C7: variants seen among roughly 807,000 people sequenced by gnomAD.
C7 encodes the protein complement C7, also known as complement component C7.
In C7, 83 loss-of-function variants were observed where a neutral mutation model predicts 104.8. The observed-to-expected ratio is 0.79, with a 90% CI of 0.66 to 0.95. The LOEUF is 0.95. Ranked by LOEUF, C7 falls within the 40% of genes least tolerant of loss-of-function variation. C7 has a pLI of 0.00. For synonymous variants in C7, 415 were observed against 360.6 expected (o/e 1.15, Z -1.71); for missense variants, 1,070 against 1,011.2 (o/e 1.06, Z -0.79).
intron 1 of C7, among the ~76,000 whole-genome samples, chr5:40,923,759 A>AT (rs1305022871): frequency 1.4e-5 from 2 of 147,420 alleles, no homozygotes; most frequent in Non-Finnish European, 3.0e-5. Context: ...AAAAAAAAAA[A>AT]GTATGCGAGA....
intron 13 of C7, 112 bp from the exon 14 acceptor site, chr5:40,964,629 A>T: frequency 3.3e-6 from 3 of 900,602 alleles, no homozygotes; most frequent in Non-Finnish European, 5.1e-6. Flanking sequence ...TGAATCAATT[A>T]AATGTAGCTT....
chr5:40,926,327 C>T (rs1739551575), intron 1 of C7, among the ~76,000 whole-genome samples: 1 of 151,614 alleles, frequency 6.6e-6, no homozygotes, highest in Non-Finnish European at 1.5e-5. Context: ...AATTGAAAGC[C>T]TTTTATTTAA....
intron 1 of C7, among the ~76,000 whole-genome samples, chr5:40,911,656 G>C (rs896986375): frequency 2.6e-5 from 4 of 152,128 alleles, no homozygotes; most frequent in Admixed American, 6.5e-5. Context: ...TGATGATAAA[G>C]AGGAGAAGAT....
chr5:40,940,080 T>C (rs572013564), intron 6 of C7, among the ~76,000 whole-genome samples: 4 of 152,306 alleles, frequency 2.6e-5, no homozygotes, highest in East Asian at 3.9e-4. Context: ...GTGGTGAATG[T>C]CCTCCATGGT....
chr5:40,981,389 C>T lies in C7; in HGVS notation c.2351-3C>T. On this transcript the variant is annotated splice_polypyrimidine_tract_variant and splice_region_variant and intron_variant, in intron 17 of 17. Coordinates refer to ENST00000313164, the MANE Select transcript of C7 (RefSeq NM_000587.4). The stretch of plus-strand genomic sequence containing the variant: ...ATTAAGCCTCTTTCACTTACTTTTC[C>T]AGCTGAGAGCAGCAAATGTGTCTGC... 3 of 1,608,492 alleles carry T rather than the reference C, an allele frequency of 1.9e-6. No homozygotes were observed. The highest frequency in any genetic ancestry group is 2.5e-6 in the Non-Finnish European group (3 of 1,177,464).
At chr5:40,917,577 G>A (rs546608082) in intron 1 of C7, among the ~76,000 whole-genome samples, 64 of 152,192 alleles carry the variant, frequency 4.2e-4, no homozygotes, top group Middle Eastern at 3.4e-3. Flanking sequence ...AAATAATGCA[G>A]CAATGAACAT....
chr5:40,978,870 GA>G (rs1202654344), intron 16 of C7, among the ~76,000 whole-genome samples: 5 of 87,172 alleles, frequency 5.7e-5, no homozygotes, highest in Non-Finnish European at 7.6e-5. Context: ...ACATTTTATG[GA>G]AATTTTTTTT....
chr5:40,913,414 C>CTTA (rs1561233893), intron 1 of C7, among the ~76,000 whole-genome samples: 5 of 151,924 alleles, frequency 3.3e-5, no homozygotes. Flanking sequence ...ATTTACATTC[C>CTTA]CACCAATAGT....
At chr5:40,963,367 C>T (rs1263443060) in intron 13 of C7, among the ~76,000 whole-genome samples, 1 of 152,182 alleles carries the variant, frequency 6.6e-6, no homozygotes, top group African/African-American at 2.4e-5. Context: ...ACTGTTGAAT[C>T]AGACTTCCTC....
chr5:40,948,252 T>TAA lies in C7; in HGVS notation c.982+413_982+414dup, dbSNP rs35890516. Among the ~76,000 whole-genome samples the TAA allele has an allele frequency of 5.0e-4, 76 of 152,002 alleles. 1 individual carries two copies. Among genetic ancestry groups the TAA allele is most frequent in the African/African-American group, 1.8e-3 (73 of 41,456 alleles). On this transcript the variant is annotated intron_variant, in intron 8 of 17. Transcript: ENST00000313164. ...TTTGTTTTTTACCCTCTCATTCTTT[T>TAA]AAAAAAATCCTCTCTGAATATCATA... is the stretch of plus-strand genomic sequence containing the variant.
In C7 at chr5:40,981,601, T is replaced by G. The variant is rs2111737365; in HGVS notation, c.*28T>G. ...TCCTGGAGGCCCTGGTCAGCTTGCTTGGAATCCAGCAGGCAGCTGGGGCTG... is the reference window on the plus strand; with the variant it reads ...TCCTGGAGGCCCTGGTCAGCTTGCTGGGAATCCAGCAGGCAGCTGGGGCTG... On this transcript the variant is annotated 3_prime_UTR_variant, in exon 18 of 18. Transcript: ENST00000313164. 6.3e-7 allele frequency: 1 copy of G among 1,576,110 alleles called. No individual in the cohort carries two copies. The highest frequency in any genetic ancestry group is 2.3e-5 in the East Asian group (1 of 44,236).
chr5:40,943,338 A>C (rs1335646977), intron 6 of C7, among the ~76,000 whole-genome samples: 1 of 152,216 alleles, frequency 6.6e-6, no homozygotes, highest in African/African-American at 2.4e-5. Context: ...GGATGGTTGA[A>C]TTTGGGATTT....
chr5:40,937,399 G>A (rs1579849611), intron 5 of C7, 153 bp from the exon 6 acceptor site: 2 of 626,970 alleles, frequency 3.2e-6, no homozygotes, highest in East Asian at 5.8e-5. Flanking sequence ...AGGATGCTGT[G>A]CTCTTCATTT....
intron 1 of C7, among the ~76,000 whole-genome samples, chr5:40,926,048 A>G (rs570146596): frequency 4.6e-5 from 7 of 152,344 alleles, no homozygotes; most frequent in Admixed American, 2.0e-4. Context: ...ACAACCCATT[A>G]AAAGTATCAT....
At chr5:40,926,588 C>T (rs971282116) in intron 1 of C7, among the ~76,000 whole-genome samples, 1 of 152,050 alleles carries the variant, frequency 6.6e-6, no homozygotes, top group Admixed American at 6.6e-5. Flanking sequence ...ATAAAATAAA[C>T]ACTAAAAAGT....
chr5:40,938,537 G>A (rs957549809), intron 6 of C7, among the ~76,000 whole-genome samples: 1 of 152,070 alleles, frequency 6.6e-6, no homozygotes, highest in African/African-American at 2.4e-5. Context: ...GCATACACCT[G>A]GAACTCAAAT....
chr5:40,957,274 C>T (rs1344035911), intron 10 of C7, among the ~76,000 whole-genome samples: 2 of 152,124 alleles, frequency 1.3e-5, no homozygotes, highest in Non-Finnish European at 2.9e-5. Context: ...TTCAAGGTTG[C>T]TTTTCTTCTG....
At chr5:40,929,002 G>C (rs1739618640) in intron 2 of C7, among the ~76,000 whole-genome samples, 1 of 152,140 alleles carries the variant, frequency 6.6e-6, no homozygotes, top group Admixed American at 6.6e-5. Flanking sequence ...TTTAAAGGTT[G>C]AGAGTTTTTT....
chr5:40,975,327 C>G (rs1413105360), intron 15 of C7, among the ~76,000 whole-genome samples: 1 of 150,522 alleles, frequency 6.6e-6, no homozygotes, highest in African/African-American at 2.4e-5. Context: ...CAGGGTACTA[C>G]GTTGCATTTA....
Sources: allele counts gnomAD v4.1 joint callset (sites outside exome capture counted in the v4.1 genomes callset), GRCh38; gene constraint gnomAD v4.1.1; transcripts MANE v1.5; gene names NCBI Gene and HGNC (gene_info 2026-07-23, HGNC 2026-07-21).